MITF: variants seen among roughly 807,000 people sequenced by gnomAD.
The protein encoded by MITF is melanocyte inducing transcription factor, also known as microphthalmia-associated transcription factor.
Under a neutral mutation model 60.5 loss-of-function variants are expected in MITF, and 17 were observed. That is an observed-to-expected ratio of 0.28 (90% CI 0.19 to 0.42). The LOEUF (loss-of-function observed/expected upper bound fraction) is 0.42. MITF is among the 10% of genes least tolerant of loss of function. The pLI, the probability that MITF is intolerant of heterozygous loss-of-function variation, is 1.00. For missense variants in MITF, 622 were observed against 683.5 expected (o/e 0.91, Z 1.00); for synonymous variants, 260 against 248.5 (o/e 1.05, Z -0.43).
intron 1 of MITF, among the ~76,000 whole-genome samples, chr3:69,839,744 C>T (rs1334207220): frequency 1.3e-5 from 2 of 150,530 alleles, no homozygotes; most frequent in Non-Finnish European, 3.0e-5. Context: ...CGAAAGAAAC[C>T]GATATTTAAA....
chr3:69,894,184 A>G (rs1420250965), intron 2 of MITF, among the ~76,000 whole-genome samples: 3 of 152,218 alleles, frequency 2.0e-5, no homozygotes, highest in Non-Finnish European at 4.4e-5. Context: ...TTCAAAATAC[A>G]TTTAATCACA....
chr3:69,912,227 A>T (rs2065239309), intron 2 of MITF, among the ~76,000 whole-genome samples: 1 of 152,272 alleles, frequency 6.6e-6, no homozygotes, highest in Non-Finnish European at 1.5e-5. Context: ...AAACACATGG[A>T]TTGGATGACT....
At chr3:69,896,331 G>T (rs1169947172) in intron 2 of MITF, among the ~76,000 whole-genome samples, 1 of 152,214 alleles carries the variant, frequency 6.6e-6, no homozygotes, top group Non-Finnish European at 1.5e-5. Flanking sequence ...AGAGGCAGCA[G>T]CTGCAGAGAC....
intron 2 of MITF, among the ~76,000 whole-genome samples, chr3:69,908,674 A>G: frequency 6.6e-6 from 1 of 152,344 alleles, no homozygotes; most frequent in South Asian, 2.1e-4. Context: ...GAAATTAGGT[A>G]CAACTTTCCC....
chr3:69,955,421 T>C (rs1029449390), intron 7 of MITF, among the ~76,000 whole-genome samples: 2 of 152,222 alleles, frequency 1.3e-5, no homozygotes, highest in African/African-American at 2.4e-5. Flanking sequence ...AAATTTAAAC[T>C]TATATGTAAA....
At chr3:69,855,930 A>C (rs1005008723) in intron 1 of MITF, among the ~76,000 whole-genome samples, 1 of 152,170 alleles carries the variant, frequency 6.6e-6, no homozygotes, top group Non-Finnish European at 1.5e-5. Flanking sequence ...CAAACGCAGC[A>C]TGTAACTTCC....
intron 1 of MITF, chr3:69,866,097 G>T: frequency 9.6e-7 from 1 of 1,037,006 alleles, no homozygotes; most frequent in Non-Finnish European, 1.3e-6. Context: ...TGTCCTGCAG[G>T]TACAGTAGGT....
chr3:69,826,069 A>G (rs2063349738), intron 1 of MITF, among the ~76,000 whole-genome samples: 1 of 152,196 alleles, frequency 6.6e-6, no homozygotes, highest in Admixed American at 6.5e-5. Flanking sequence ...TGGAATACAT[A>G]GAGAGGAGAA....
At chr3:69,855,520 TTTAG>T (rs2063902743) in intron 1 of MITF, among the ~76,000 whole-genome samples, 2 of 152,090 alleles carry the variant, frequency 1.3e-5, no homozygotes, top group African/African-American at 4.8e-5. Context: ...TTAAAGTATA[TTTAG>T]TTAGCACACA....
At chr3:69,932,417 A>C (rs1428255829) in intron 2 of MITF, among the ~76,000 whole-genome samples, 1 of 152,110 alleles carries the variant, frequency 6.6e-6, no homozygotes, top group Non-Finnish European at 1.5e-5. Flanking sequence ...TGTAAAATCC[A>C]TTCTTACTTT....
intron 1 of MITF, among the ~76,000 whole-genome samples, chr3:69,804,040 C>T (rs1477775935): frequency 4.6e-5 from 7 of 152,112 alleles, no homozygotes; most frequent in African/African-American, 7.2e-5. Context: ...TGCGGTTGAA[C>T]ACCACAAAAC....
chr3:69,929,962 G>A (rs1190328097), intron 2 of MITF, among the ~76,000 whole-genome samples: 1 of 152,130 alleles, frequency 6.6e-6, no homozygotes, highest in Non-Finnish European at 1.5e-5. Flanking sequence ...GAGCAACTAG[G>A]TTAAGCCAGA....
At chr3:69,869,980 C>T (rs2064193042) in intron 1 of MITF, among the ~76,000 whole-genome samples, 1 of 151,998 alleles carries the variant, frequency 6.6e-6, no homozygotes. Context: ...ACGTAGAACT[C>T]CAGAAAACAG....
chr3:69,824,327 C>T (rs1415001179), intron 1 of MITF, among the ~76,000 whole-genome samples: 1 of 152,150 alleles, frequency 6.6e-6, no homozygotes, highest in Non-Finnish European at 1.5e-5. Context: ...GTAGTACTCA[C>T]AAGAACATGT....
rs915923532 is a variant in MITF at position 69,939,172 on chromosome 3, C to T, written c.657C>T (p.Ser219=). The T allele has an allele frequency of 6.2e-6, 10 of 1,613,970 alleles. No homozygotes were observed. The highest frequency in any genetic ancestry group is 7.6e-6 in the Non-Finnish European group (9 of 1,179,920). ...GCATGAACACACATTCACGAGCGTC[C>T]TGTATGCAGGTACTGAATGACTTGG... ...CPGMNTHSRA[S]CMQMDDVIDD... is the part of the protein sequence containing the mutation. The change falls in exon 4 of 10, where the codon TCC becomes TCT. Residue 219 remains serine, a synonymous_variant. Coordinates refer to ENST00000352241, the MANE Select transcript of MITF (RefSeq NM_001354604.2).
chr3:69,829,246 A>G (rs2063406509), intron 1 of MITF, among the ~76,000 whole-genome samples: 1 of 152,200 alleles, frequency 6.6e-6, no homozygotes, highest in Non-Finnish European at 1.5e-5. Flanking sequence ...TAAAAAGACA[A>G]ACAAACTAAT....
At chr3:69,849,894 C>T (rs749428448) in intron 1 of MITF, among the ~76,000 whole-genome samples, 2 of 152,182 alleles carry the variant, frequency 1.3e-5, no homozygotes, top group Non-Finnish European at 2.9e-5. Context: ...GTCTCTCCTT[C>T]GAATTCTCAT....
rs536129521 is a variant in MITF, at chr3:69,913,905, C to T, written c.355-23917C>T. 3.3e-5 allele frequency among the ~76,000 whole-genome samples: 5 copies of T among 152,262 alleles called. 1 individual carries two copies. The South Asian group carries it at 1.0e-3, about 32-fold the overall frequency. On this transcript the variant is annotated intron_variant, in intron 2 of 9. Coordinates refer to ENST00000352241, the MANE Select transcript of MITF (RefSeq NM_001354604.2). Reference sequence around the variant, plus strand: ...ATAGTGCTTTTTATTAACTGTGACACAATGGATTATGGCACTTCAAATGAG... The same window carrying T: ...ATAGTGCTTTTTATTAACTGTGACATAATGGATTATGGCACTTCAAATGAG...
chr3:69,961,637 G>C (rs1448641061), intron 9 of MITF, among the ~76,000 whole-genome samples: 1 of 151,312 alleles, frequency 6.6e-6, no homozygotes, highest in African/African-American at 2.4e-5. Flanking sequence ...ATGAGGCTGA[G>C]GCAGGAGAAC....
Sources: gnomAD v4.1 joint callset for allele counts (sites outside exome capture counted in the v4.1 genomes callset) on GRCh38, gnomAD v4.1.1 for gene constraint, MANE v1.5 for transcripts, NCBI Gene and HGNC (gene_info 2026-07-23, HGNC 2026-07-21) for gene names.